CABCOCO1: variants seen among roughly 807,000 people sequenced by gnomAD.
CABCOCO1 encodes the protein ciliary-associated calcium-binding coiled-coil protein 1.
In CABCOCO1, 28 loss-of-function variants were observed where a neutral mutation model predicts 35.7. That is an observed-to-expected ratio of 0.78 (90% CI 0.58 to 1.07). The LOEUF (loss-of-function observed/expected upper bound fraction) is 1.07. CABCOCO1 is among the 50% of genes least tolerant of loss of function. The probability of loss-of-function intolerance (pLI) is 0.00; values close to 1 mark genes in which losing one functional copy is unlikely to be tolerated. For synonymous variants in CABCOCO1, 95 were observed against 100.1 expected (o/e 0.95, Z 0.30); for missense variants, 326 against 309.2 (o/e 1.05, Z -0.41).
chr10:61,730,542 G>C (rs116954407), intron 5 of CABCOCO1, among the ~76,000 whole-genome samples: 2,404 of 152,144 alleles, frequency 0.016, 26 homozygotes, highest in Middle Eastern at 0.041. Context: ...CCCAATAATT[G>C]ATTTAGGAAT....
chr10:61,680,385 A>AAT (rs71018991), intron 2 of CABCOCO1, among the ~76,000 whole-genome samples: 39 of 134,644 alleles, frequency 2.9e-4, no homozygotes, highest in Non-Finnish European at 4.9e-4. Context: ...TATAACATAT[A>AAT]ATATATATAT....
intron 5 of CABCOCO1, among the ~76,000 whole-genome samples, chr10:61,736,755 G>A (rs552216942): frequency 6.6e-6 from 1 of 152,266 alleles, no homozygotes; most frequent in East Asian, 1.9e-4. Flanking sequence ...TAATGATATT[G>A]ATTCTTCTTA....
At chr10:61,738,049 T>C (rs1841463957) in intron 5 of CABCOCO1, among the ~76,000 whole-genome samples, 2 of 145,630 alleles carry the variant, frequency 1.4e-5, no homozygotes, top group South Asian at 4.2e-4. Flanking sequence ...ATAAAATATC[T>C]TATTTAAAAA....
intron 3 of CABCOCO1, among the ~76,000 whole-genome samples, chr10:61,684,644 C>T (rs892646420): frequency 7.9e-5 from 12 of 152,132 alleles, no homozygotes; most frequent in Admixed American, 2.0e-4. Context: ...ATTCAGGCCC[C>T]CCACTGACAT....
chr10:61,675,173 C>T (rs909783280), intron 2 of CABCOCO1, among the ~76,000 whole-genome samples: 17 of 152,208 alleles, frequency 1.1e-4, no homozygotes, highest in African/African-American at 3.9e-4. Flanking sequence ...TCATCTTTCT[C>T]TTTCCCTACG....
At chr10:61,713,967 T>C (rs1840796102) in intron 5 of CABCOCO1, among the ~76,000 whole-genome samples, 1 of 151,806 alleles carries the variant, frequency 6.6e-6, no homozygotes, top group Non-Finnish European at 1.5e-5. Flanking sequence ...GGTCTACAAT[T>C]CTCTTTTTTT....
intron 7 of CABCOCO1, among the ~76,000 whole-genome samples, chr10:61,765,099 CAT>C (rs1222321255): frequency 6.6e-6 from 1 of 152,086 alleles, no homozygotes; most frequent in Non-Finnish European, 1.5e-5. Flanking sequence ...TTTATTAACA[CAT>C]ATGTGTATAA....
At chr10:61,740,585 T>C (rs1332519906) in intron 5 of CABCOCO1, among the ~76,000 whole-genome samples, 1 of 152,228 alleles carries the variant, frequency 6.6e-6, no homozygotes, top group African/African-American at 2.4e-5. Context: ...AAATTTTGAA[T>C]ATACCATTTT....
intron 5 of CABCOCO1, among the ~76,000 whole-genome samples, chr10:61,726,266 G>A (rs1841146758): frequency 6.6e-6 from 1 of 152,078 alleles, no homozygotes; most frequent in African/African-American, 2.4e-5. Context: ...AATCGATTAA[G>A]TACACATTTG....
intron 5 of CABCOCO1, among the ~76,000 whole-genome samples, chr10:61,707,318 A>T (rs1224152333): frequency 6.6e-6 from 1 of 152,200 alleles, no homozygotes; most frequent in Non-Finnish European, 1.5e-5. Flanking sequence ...CAGGAGTGTC[A>T]TTAAGAGTCT....
intron 5 of CABCOCO1, among the ~76,000 whole-genome samples, chr10:61,728,960 T>C (rs566449873): frequency 6.6e-6 from 1 of 152,098 alleles, no homozygotes; most frequent in African/African-American, 2.4e-5. Flanking sequence ...TATGGTTACA[T>C]GTGGGGGGAA....
intron 5 of CABCOCO1, among the ~76,000 whole-genome samples, chr10:61,731,320 G>A (rs1245999065): frequency 1.3e-5 from 2 of 151,880 alleles, no homozygotes; most frequent in African/African-American, 2.4e-5. Flanking sequence ...TCTAGGAATG[G>A]TCATCTGAGC....
At chr10:61,687,528 T>C (rs917420284) in intron 4 of CABCOCO1, among the ~76,000 whole-genome samples, 3 of 152,194 alleles carry the variant, frequency 2.0e-5, no homozygotes. Flanking sequence ...CAGGGACTGA[T>C]AGTTGACAAG....
intron 3 of CABCOCO1, 92 bp from the exon 4 acceptor site, chr10:61,685,949 T>C: frequency 9.1e-7 from 1 of 1,103,920 alleles, no homozygotes; most frequent in African/African-American, 1.7e-5. Context: ...CTTAACAAAG[T>C]AAATTTTGGC....
chr10:61,763,778 AT>A (rs1407975238), intron 7 of CABCOCO1, among the ~76,000 whole-genome samples: 6 of 149,314 alleles, frequency 4.0e-5, no homozygotes, highest in Non-Finnish European at 8.9e-5. Context: ...TACTGAACAT[AT>A]TTTTTTTCCT....
intron 5 of CABCOCO1, among the ~76,000 whole-genome samples, chr10:61,694,712 T>A (rs1840247970): frequency 1.3e-5 from 2 of 152,076 alleles, no homozygotes. Flanking sequence ...GCTTTCTATC[T>A]ATGGGCATCT....
At chr10:61,705,134 G>T (rs1404143388) in intron 5 of CABCOCO1, among the ~76,000 whole-genome samples, 1 of 152,182 alleles carries the variant, frequency 6.6e-6, no homozygotes. Context: ...TAAGTCTTTT[G>T]TGAGCAAGAC....
intron 5 of CABCOCO1, among the ~76,000 whole-genome samples, chr10:61,712,380 G>T: frequency 6.6e-6 from 1 of 152,090 alleles, no homozygotes; most frequent in East Asian, 1.9e-4. Flanking sequence ...ATTTGTTTGA[G>T]TTCTTTGTAA....
rs1393386752 is a variant in CABCOCO1, at chr10:61,761,016, G to A, written c.816+13G>A. 3 of 1,610,336 alleles carry A rather than the reference G, an allele frequency of 1.9e-6. No homozygotes were observed. The highest frequency in any genetic ancestry group is 4.5e-5 in the East Asian group (2 of 44,844). On this transcript the variant is annotated intron_variant, in intron 7 of 7. Coordinates refer to ENST00000648843, the MANE Select transcript of CABCOCO1 (RefSeq NM_001366906.2). Reference sequence around the variant, plus strand: ...AATCGGCATTCAGGTACTCAGTATTGATAGTATGCTCACTTACTTTATTAC... The same window carrying A: ...AATCGGCATTCAGGTACTCAGTATTAATAGTATGCTCACTTACTTTATTAC...
Sources: gnomAD v4.1 joint callset for allele counts (sites outside exome capture counted in the v4.1 genomes callset) on GRCh38, gnomAD v4.1.1 for gene constraint, MANE v1.5 for transcripts, NCBI Gene and HGNC (gene_info 2026-07-23, HGNC 2026-07-21) for gene names.